The following CSTF3 variants were observed in gnomAD, a reference collection of about 807,000 sequenced individuals.
CSTF3 encodes the protein cleavage stimulation factor subunit 3, also known as CF-1 77 kDa subunit.
Under a neutral mutation model 105.8 loss-of-function variants are expected in CSTF3, and 29 were observed. That is an observed-to-expected ratio of 0.27 (90% CI 0.20 to 0.37). CSTF3 has a LOEUF of 0.37. Ranked by LOEUF, CSTF3 falls within the 10% of genes least tolerant of loss-of-function variation. The probability of loss-of-function intolerance (pLI) is 1.00; values close to 1 mark genes in which losing one functional copy is unlikely to be tolerated. For synonymous variants in CSTF3, 252 were observed against 281.9 expected, an observed-to-expected ratio of 0.89 and a Z score of 1.06; for missense variants, 357 against 879.3, an observed-to-expected ratio of 0.41 and a Z score of 7.51.
chr11:33,096,531 T>C (rs1429221887), intron 14 of CSTF3, 123 bp from the exon 15 acceptor site: 30 of 705,032 alleles, frequency 4.3e-5, no homozygotes, highest in Middle Eastern at 3.4e-4. Context: ...ATTAAAATCA[T>C]GTTAAGTAAA....
At chr11:33,158,356 G>A (rs1433301748) in intron 1 of CSTF3, among the ~76,000 whole-genome samples, 2 of 152,012 alleles carry the variant, frequency 1.3e-5, no homozygotes, top group Non-Finnish European at 2.9e-5. Flanking sequence ...CACACTAAGA[G>A]AAATCCATGA....
intron 15 of CSTF3, 98 bp downstream of exon 15, chr11:33,096,208 G>T: frequency 1.2e-6 from 1 of 820,490 alleles, no homozygotes; most frequent in Non-Finnish European, 1.8e-6. Context: ...TGTCTGCTAT[G>T]TCAAAATTAT....
intron 1 of CSTF3, among the ~76,000 whole-genome samples, chr11:33,152,885 G>A (rs963815945): frequency 6.6e-6 from 1 of 151,924 alleles, no homozygotes; most frequent in African/African-American, 2.4e-5. Context: ...TTGAACCCGG[G>A]AGGTGGAGGT....
intron 1 of CSTF3, among the ~76,000 whole-genome samples, chr11:33,151,248 T>C (rs1338359975): frequency 3.3e-5 from 5 of 152,178 alleles, no homozygotes; most frequent in African/African-American, 1.2e-4. Context: ...TCGAATGCAG[T>C]GGCACAATCA....
chr11:33,125,037 G>A (rs1306533630), intron 3 of CSTF3, among the ~76,000 whole-genome samples: 1 of 152,182 alleles, frequency 6.6e-6, no homozygotes, highest in East Asian at 1.9e-4. Flanking sequence ...TGAGCATCTT[G>A]AATCTGTTGA....
intron 1 of CSTF3, among the ~76,000 whole-genome samples, chr11:33,147,191 G>C (rs1459335473): frequency 6.6e-6 from 1 of 152,024 alleles, no homozygotes; most frequent in African/African-American, 2.4e-5. Context: ...TAGCTACCTG[G>C]GACACTGAGG....
At chr11:33,123,692 T>TAA (rs150196327) in intron 3 of CSTF3, among the ~76,000 whole-genome samples, 1 of 151,522 alleles carries the variant, frequency 6.6e-6, no homozygotes, top group Non-Finnish European at 1.5e-5. Context: ...ACTTTCTTAA[T>TAA]AAAAAAAAGG....
intron 3 of CSTF3, among the ~76,000 whole-genome samples, chr11:33,114,729 T>TA: frequency 6.6e-6 from 1 of 152,074 alleles, no homozygotes; most frequent in Non-Finnish European, 1.5e-5. Flanking sequence ...CAAGCGCCCG[T>TA]AATCCCAGCT....
intron 3 of CSTF3, among the ~76,000 whole-genome samples, chr11:33,116,299 G>C (rs1331976505): frequency 6.6e-6 from 1 of 152,142 alleles, no homozygotes; most frequent in African/African-American, 2.4e-5. Context: ...AACTATTAAA[G>C]AGTTTATGAC....
chr11:33,154,491 CTTTTTTTTT>C (rs34462847), intron 1 of CSTF3, among the ~76,000 whole-genome samples: 1 of 60,892 alleles, frequency 1.6e-5, no homozygotes. Context: ...GTAAGACTTT[CTTTTTTTTT>C]TTTTTTTTTT....
At chr11:33,144,313 G>A (rs1855752534) in intron 1 of CSTF3, among the ~76,000 whole-genome samples, 1 of 152,076 alleles carries the variant, frequency 6.6e-6, no homozygotes, top group African/African-American at 2.4e-5. Context: ...AAGACATGTT[G>A]ACTACTGTAA....
intron 1 of CSTF3, among the ~76,000 whole-genome samples, chr11:33,153,793 T>C (rs1035095103): frequency 6.6e-6 from 1 of 150,836 alleles, no homozygotes; most frequent in East Asian, 1.9e-4. Flanking sequence ...TTAGGAGCCA[T>C]ACTGAAATTA....
chr11:33,146,855 GA>G (rs34627596), intron 1 of CSTF3, among the ~76,000 whole-genome samples: 30,678 of 144,082 alleles, frequency 0.21, 3,686 homozygotes, highest in East Asian at 0.36. Flanking sequence ...TTTACTTCTT[GA>G]AAAAAAAAAA....
At chr11:33,136,233 A>G (rs562878705) in intron 3 of CSTF3, 1 of 152,302 alleles carries the variant, frequency 6.6e-6, no homozygotes, top group African/African-American at 2.4e-5. Context: ...GGGGAAAAAA[A>G]TCTAGATGCA....
At chr11:33,129,176 C>T (rs1815047229) in intron 3 of CSTF3, among the ~76,000 whole-genome samples, 1 of 152,200 alleles carries the variant, frequency 6.6e-6, no homozygotes, top group African/African-American at 2.4e-5. Context: ...ACTGCAACCT[C>T]CGCCTCCAGG....
intron 1 of CSTF3, among the ~76,000 whole-genome samples, chr11:33,148,983 C>T (rs1316855986): frequency 2.6e-5 from 4 of 151,820 alleles, no homozygotes; most frequent in African/African-American, 9.7e-5. Flanking sequence ...TGTACCACCG[C>T]TCCTTGCTCC....
chr11:33,096,130 A>C (rs2133772345), intron 15 of CSTF3, among the ~76,000 whole-genome samples, 176 bp downstream of exon 15: 1 of 152,348 alleles, frequency 6.6e-6, no homozygotes, highest in African/African-American at 2.4e-5. Context: ...AAAAACATCT[A>C]CCATTGCTCA....
chr11:33,144,742 C>G (rs1351042245), intron 1 of CSTF3: 1 of 152,976 alleles, frequency 6.5e-6, no homozygotes, highest in Non-Finnish European at 1.5e-5. Context: ...TTTTGGGAGG[C>G]CGAGACGGGA....
At chr11:33,142,033 C>A (rs776687384) in intron 1 of CSTF3, 47 bp from the exon 2 acceptor site, 5 of 1,610,670 alleles carry the variant, frequency 3.1e-6, no homozygotes, top group East Asian at 4.5e-5. Flanking sequence ...TTTTAAAAAT[C>A]TCATGCCTAA....
Sources: gnomAD v4.1 joint callset for allele counts (sites outside exome capture counted in the v4.1 genomes callset) on GRCh38, gnomAD v4.1.1 for gene constraint, MANE v1.5 for transcripts, NCBI Gene and HGNC (gene_info 2026-07-23, HGNC 2026-07-21) for gene names.